The following CADM1 variants were observed in gnomAD, a reference collection of about 807,000 sequenced individuals.
CADM1 encodes the protein cell adhesion molecule 1.
CADM1 carries 15 observed loss-of-function variants against 53.1 expected under a neutral mutation model. The ratio of observed to expected loss-of-function variants is 0.28; its 90% CI spans 0.19 to 0.44. The LOEUF (loss-of-function observed/expected upper bound fraction) is 0.44. Ranked by LOEUF, CADM1 falls within the 20% of genes least tolerant of loss-of-function variation. CADM1 has a pLI of 1.00. For missense variants in CADM1, 434 were observed against 611.3 expected (o/e 0.71, Z 3.06); for synonymous variants, 281 against 243.0 (o/e 1.16, Z -1.45).
intron 1 of CADM1, among the ~76,000 whole-genome samples, chr11:115,331,925 C>A (rs781256269): frequency 1.3e-5 from 2 of 150,352 alleles, no homozygotes; most frequent in African/African-American, 2.5e-5. Flanking sequence ...CCCTCCCCTG[C>A]GTGGGGAAGG....
chr11:115,180,040 C>T (rs1208801361), intron 10 of CADM1, among the ~76,000 whole-genome samples: 1 of 152,110 alleles, frequency 6.6e-6, no homozygotes, highest in East Asian at 1.9e-4. Flanking sequence ...TCTCTGAAGC[C>T]TCTACCTCTA....
At chr11:115,436,306 T>G (rs537311737) in intron 1 of CADM1, among the ~76,000 whole-genome samples, 1 of 152,342 alleles carries the variant, frequency 6.6e-6, no homozygotes, top group South Asian at 2.1e-4. Flanking sequence ...TATTTTTATT[T>G]AAGAAAAATC....
At chr11:115,230,378 A>T (rs1454059912) in intron 4 of CADM1, among the ~76,000 whole-genome samples, 2 of 152,202 alleles carry the variant, frequency 1.3e-5, no homozygotes, top group Admixed American at 1.3e-4. Flanking sequence ...TAAAAATTCC[A>T]TAAAGTATGT....
chr11:115,381,988 G>A (rs1565397821), intron 1 of CADM1, among the ~76,000 whole-genome samples: 1 of 152,082 alleles, frequency 6.6e-6, no homozygotes, highest in Non-Finnish European at 1.5e-5. Context: ...AGGACCACAG[G>A]TGCCCGCCAC....
intron 1 of CADM1, among the ~76,000 whole-genome samples, chr11:115,322,434 T>G (rs1355819599): frequency 6.6e-6 from 1 of 152,196 alleles, no homozygotes; most frequent in South Asian, 2.1e-4. Flanking sequence ...ATCACAGAAC[T>G]CACCTGTTTA....
In CADM1 at chr11:115,441,957, C is replaced by T. The variant is rs572154628; in HGVS notation, c.124+62314G>A. On this transcript the variant is annotated intron_variant, in intron 1 of 11. Coordinates refer to ENST00000331581, the MANE Select transcript of CADM1 (RefSeq NM_001301043.2). The stretch of plus-strand genomic sequence containing the variant: ...ATAATGTATATTATTGAGGACTGGG[C>T]ATTGTACTAGGCACCCAAAATTCTA... 3.9e-5 allele frequency among the ~76,000 whole-genome samples: 6 copies of T among 152,178 alleles called. No individual in the cohort carries two copies. The East Asian group carries it at 1.2e-3, about 29-fold the overall frequency.
At chr11:115,493,032 G>A (rs569067547) in intron 1 of CADM1, among the ~76,000 whole-genome samples, 21 of 152,016 alleles carry the variant, frequency 1.4e-4, no homozygotes, top group African/African-American at 4.3e-4. Flanking sequence ...TCTTAGATGT[G>A]TCCGCTGTCT....
intron 1 of CADM1, among the ~76,000 whole-genome samples, chr11:115,351,144 T>C (rs370381759): frequency 1.4e-5 from 2 of 146,812 alleles, no homozygotes; most frequent in African/African-American, 5.0e-5. Context: ...CAAAAAAAAG[T>C]AAAAGCGAGT....
chr11:115,190,581 T>C (rs959162421), intron 10 of CADM1: 3 of 277,272 alleles, frequency 1.1e-5, no homozygotes, highest in African/African-American at 6.5e-5. Flanking sequence ...TCCCGACACA[T>C]TATATATCTA....
intron 2 of CADM1, 143 bp downstream of exon 2, chr11:115,240,131 C>T (rs1942172982): frequency 2.7e-6 from 2 of 734,592 alleles, no homozygotes; most frequent in Admixed American, 4.6e-5. Flanking sequence ...TTATGATTGC[C>T]TGTCTCTTCT....
At chr11:115,261,132 G>A (rs536315878) in intron 1 of CADM1, among the ~76,000 whole-genome samples, 5 of 152,226 alleles carry the variant, frequency 3.3e-5, no homozygotes, top group African/African-American at 1.2e-4. Context: ...TGTCATGAGG[G>A]TACACCTATT....
At chr11:115,215,745 T>C (rs1941155686) in intron 6 of CADM1, among the ~76,000 whole-genome samples, 1 of 152,220 alleles carries the variant, frequency 6.6e-6, no homozygotes, top group African/African-American at 2.4e-5. Context: ...CAACCTCCTA[T>C]GAAGTTGAGG....
intron 1 of CADM1, among the ~76,000 whole-genome samples, chr11:115,281,820 C>CA (rs1943593040): frequency 6.6e-6 from 1 of 151,568 alleles, no homozygotes; most frequent in East Asian, 1.9e-4. Flanking sequence ...AACTGATGTG[C>CA]AAAAGGTAAG....
At chr11:115,291,669 A>G (rs1943908499) in intron 1 of CADM1, among the ~76,000 whole-genome samples, 1 of 152,192 alleles carries the variant, frequency 6.6e-6, no homozygotes, top group South Asian at 2.1e-4. Flanking sequence ...TCCACTGCCC[A>G]GGCCTATAAA....
At chr11:115,264,788 T>C (rs987017546) in intron 1 of CADM1, among the ~76,000 whole-genome samples, 7 of 152,226 alleles carry the variant, frequency 4.6e-5, no homozygotes, top group African/African-American at 1.7e-4. Context: ...TTTGACATTA[T>C]AAGGATTCAA....
At chr11:115,466,489 C>T (rs1293025081) in intron 1 of CADM1, among the ~76,000 whole-genome samples, 1 of 152,130 alleles carries the variant, frequency 6.6e-6, no homozygotes, top group Non-Finnish European at 1.5e-5. Flanking sequence ...TTAATACAAC[C>T]CAACTACTTC....
intron 1 of CADM1, among the ~76,000 whole-genome samples, chr11:115,336,599 T>A (rs1479665206): frequency 6.6e-6 from 1 of 152,130 alleles, no homozygotes; most frequent in Non-Finnish European, 1.5e-5. Context: ...CTACCCTTTC[T>A]GAAAAAAATT....
At chr11:115,492,932 TACACACACAC>T (rs57800253) in intron 1 of CADM1, among the ~76,000 whole-genome samples, 4 of 146,754 alleles carry the variant, frequency 2.7e-5, no homozygotes, top group African/African-American at 7.5e-5. Context: ...GGATATTTTA[TACACACACAC>T]ACACACACAC....
chr11:115,261,036 G>A (rs1942959139), intron 1 of CADM1, among the ~76,000 whole-genome samples: 1 of 152,058 alleles, frequency 6.6e-6, no homozygotes, highest in Admixed American at 6.6e-5. Flanking sequence ...GCAATGTAGA[G>A]TCTACCCACT....
Sources: allele counts gnomAD v4.1 joint callset (sites outside exome capture counted in the v4.1 genomes callset), GRCh38; gene constraint gnomAD v4.1.1; transcripts MANE v1.5; gene names NCBI Gene and HGNC (gene_info 2026-07-23, HGNC 2026-07-21).